Variants in CHRDL2 observed in about 807,000 individuals in gnomAD.
The protein encoded by CHRDL2 is chordin like 2, also known as chordin-like protein 2.
In CHRDL2, 41 loss-of-function variants were observed where a neutral mutation model predicts 54.3. The observed-to-expected ratio is 0.76, with a 90% CI of 0.59 to 0.98. The LOEUF (loss-of-function observed/expected upper bound fraction) is 0.98, where lower values mean the gene tolerates loss of function less well. Among genes scored for constraint, CHRDL2 ranks in the 50% least tolerant of loss-of-function variants. The probability of loss-of-function intolerance (pLI) is 0.00; values close to 1 mark genes in which losing one functional copy is unlikely to be tolerated. For missense variants in CHRDL2, 518 were observed against 562.4 expected, an observed-to-expected ratio of 0.92 and a Z score of 0.80; for synonymous variants, 220 against 224.3, an observed-to-expected ratio of 0.98 and a Z score of 0.17.
At chr11:74,700,768 G>A (rs2033781850) in intron 9 of CHRDL2, among the ~76,000 whole-genome samples, 1 of 151,720 alleles carries the variant, frequency 6.6e-6, no homozygotes, top group Non-Finnish European at 1.5e-5. Context: ...GAGTAGCTGG[G>A]ATTACAGGCG....
chr11:74,724,758 T>C (rs1458312824), intron 1 of CHRDL2, among the ~76,000 whole-genome samples: 1 of 152,168 alleles, frequency 6.6e-6, no homozygotes, highest in African/African-American at 2.4e-5. Context: ...CAGCCCTCAT[T>C]ACAATTCTCA....
At chr11:74,699,162 G>A (rs1375202019) in intron 9 of CHRDL2, 1 of 152,322 alleles carries the variant, frequency 6.6e-6, no homozygotes, top group African/African-American at 2.4e-5. Context: ...GAGATGAGAT[G>A]GGGATGGGTC....
At chr11:74,716,845 C>A (rs2034371256) in intron 2 of CHRDL2, among the ~76,000 whole-genome samples, 1 of 152,084 alleles carries the variant, frequency 6.6e-6, no homozygotes, top group Non-Finnish European at 1.5e-5. Flanking sequence ...GTAATCCCAG[C>A]ACTTTGGGAG....
chr11:74,708,700 C>T (rs573377604), intron 4 of CHRDL2, among the ~76,000 whole-genome samples: 11 of 152,318 alleles, frequency 7.2e-5, no homozygotes, highest in South Asian at 2.1e-4. Context: ...AATGAGGAGC[C>T]GGAGCGGGGC....
In CHRDL2 at chr11:74,703,373, G is replaced by A. The variant is rs2033896126; in HGVS notation, c.878C>T (p.Thr293Ile). 2 of 1,613,750 alleles carry A rather than the reference G, an allele frequency of 1.2e-6. No individual in the cohort carries two copies. Among genetic ancestry groups the A allele is most frequent in the Non-Finnish European group, 1.7e-6 (2 of 1,179,938 alleles). ...ACGGCAGGGGTACTCGGTGGGACAG[G>A]TCACACGCTGGCAGTCCTGGCGGCC... is the stretch of plus-strand genomic sequence containing the variant. ...EDGRQDCQRVTCPTEYPCRHP... is the reference protein window; with the variant it reads ...EDGRQDCQRVICPTEYPCRHP... The change falls in exon 8 of 11, where the codon ACC (threonine) becomes ATC (isoleucine). Residue 293 changes from threonine to isoleucine, a missense_variant. By Grantham distance (89) the Thr-to-Ile change is moderately conservative (BLOSUM62 -1). Coordinates refer to ENST00000376332, the MANE Select transcript of CHRDL2 (RefSeq NM_001278473.3).
chr11:74,730,213 T>A (rs1036546144), intron 1 of CHRDL2, among the ~76,000 whole-genome samples: 8 of 151,876 alleles, frequency 5.3e-5, no homozygotes, highest in African/African-American at 1.9e-4. Context: ...TCAGGGTTCC[T>A]TCTAGACAAT....
At chr11:74,726,561 G>A (rs1192222961) in intron 1 of CHRDL2, among the ~76,000 whole-genome samples, 1 of 152,180 alleles carries the variant, frequency 6.6e-6, no homozygotes, top group Non-Finnish European at 1.5e-5. Context: ...CAGGGGCACC[G>A]CTGTCATGCC....
rs765248093 is a variant in CHRDL2 at position 74,696,508 on chromosome 11, G to C, written c.*1C>G. 1 of 1,612,502 alleles carries C rather than the reference G, an allele frequency of 6.2e-7. No homozygotes were observed. Among genetic ancestry groups the C allele is most frequent in the Non-Finnish European group, 8.5e-7 (1 of 1,178,546 alleles). ...TCATATCTGCAACTGTTAGGTCTTTGTTATGTCTTGGTCACTTTGTCTGGA... is the reference window on the plus strand; with the variant it reads ...TCATATCTGCAACTGTTAGGTCTTTCTTATGTCTTGGTCACTTTGTCTGGA... On this transcript the variant is annotated 3_prime_UTR_variant, in exon 11 of 11. Coordinates refer to ENST00000376332, the MANE Select transcript of CHRDL2 (RefSeq NM_001278473.3).
chr11:74,718,808 T>C lies in CHRDL2; in HGVS notation c.107A>G (p.His36Arg). The C allele has an allele frequency of 6.2e-7, 1 of 1,612,620 alleles. No homozygotes were observed. The highest frequency in any genetic ancestry group is 8.5e-7 in the Non-Finnish European group (1 of 1,179,352). The change falls in exon 2 of 11, where the codon CAT becomes CGT. Residue 36 changes from histidine to arginine, a missense_variant. Coordinates refer to ENST00000376332, the MANE Select transcript of CHRDL2 (RefSeq NM_001278473.3). ...CTCGCCGGGGGAGTATCTCTTCCCA[T>C]GGAAAAGGCAGAACATGTCTGGGCC... ...RARPDMFCLF[H>R]GKRYSPGESW...
At chr11:74,702,601 G>T (rs1229543008) in intron 9 of CHRDL2, among the ~76,000 whole-genome samples, 193 bp downstream of exon 9, 1 of 152,196 alleles carries the variant, frequency 6.6e-6, no homozygotes, top group African/African-American at 2.4e-5. Flanking sequence ...TTAGCAGGAG[G>T]AGCTTATCAG....
At chr11:74,704,675 G>A (rs1317341842) in intron 6 of CHRDL2, 21 bp from the exon 7 acceptor site, 1 of 1,599,666 alleles carries the variant, frequency 6.3e-7, no homozygotes, top group South Asian at 1.1e-5. Flanking sequence ...CAGGAAGGAT[G>A]AAAGTCACTG....
At chr11:74,700,646 T>TTA (rs1283260897) in intron 9 of CHRDL2, among the ~76,000 whole-genome samples, 9 of 104,000 alleles carry the variant, frequency 8.7e-5, no homozygotes, top group South Asian at 5.7e-4. Context: ...TATTATTATT[T>TTA]TTTTTTTTTT....
chr11:74,703,597 C>T, intron 7 of CHRDL2, 98 bp from the exon 8 acceptor site: 1 of 1,085,446 alleles, frequency 9.2e-7, no homozygotes. Flanking sequence ...GGGGAGCCCT[C>T]ACTTTACCAG....
In CHRDL2 at chr11:74,708,172, A is replaced by G. The variant is rs989116328; in HGVS notation, c.526+130T>C. On this transcript the variant is annotated intron_variant, in intron 5 of 10. Coordinates refer to ENST00000376332, the MANE Select transcript of CHRDL2 (RefSeq NM_001278473.3). ...TTCTGGGGGGTGCAGGCTAAGCCACACCCTGGAGGAAAGAGCCGTCTGCTA... is the reference window on the plus strand; with the variant it reads ...TTCTGGGGGGTGCAGGCTAAGCCACGCCCTGGAGGAAAGAGCCGTCTGCTA... 5.1e-6 allele frequency: 3 copies of G among 592,284 alleles called. No individual in the cohort carries two copies. The South Asian group carries it at 7.5e-5, about 15-fold the overall frequency. 36.7% of individuals were successfully genotyped at this position (592,284 alleles called of 1,614,324 possible).
chr11:74,700,242 T>C (rs2135230857), intron 9 of CHRDL2, among the ~76,000 whole-genome samples: 1 of 152,364 alleles, frequency 6.6e-6, no homozygotes, highest in South Asian at 2.1e-4. Flanking sequence ...ACATTATACA[T>C]AGTGCCTGCT....
Position 74,704,500 on chromosome 11 carries a change from TC to T in CHRDL2, c.736del (p.Glu246ArgfsTer47). On this transcript the variant is annotated frameshift_variant, in exon 7 of 11. Coordinates refer to ENST00000376332, the MANE Select transcript of CHRDL2 (RefSeq NM_001278473.3). LOFTEE classifies it high-confidence loss of function. ...GSTTVKIVLK[E>X]KHKKACVHGG... ...CCAGTCCCCACCTTTCTTATGTTTC[TC>T]CTTCAGGACGATCTTGACAGTTGTG... 6.3e-7 allele frequency: 1 copy of T among 1,584,376 alleles called. No individual in the cohort carries two copies. The highest frequency in any genetic ancestry group is 1.4e-5 in the African/African-American group (1 of 73,070).
At chr11:74,713,565 C>T (rs2034263521) in intron 2 of CHRDL2, 86 bp from the exon 3 acceptor site, 3 of 1,001,388 alleles carry the variant, frequency 3.0e-6, no homozygotes, top group Non-Finnish European at 4.6e-6. Context: ...CCCACCCCAA[C>T]TGCAGAAGTC....
chr11:74,715,530 G>A (rs542246684), intron 2 of CHRDL2, among the ~76,000 whole-genome samples: 11 of 151,774 alleles, frequency 7.2e-5, no homozygotes, highest in Middle Eastern at 3.4e-3. Context: ...TTGAACCTGG[G>A]AGGCAGAGGT....
At chr11:74,726,492 G>T (rs745549172) in intron 1 of CHRDL2, among the ~76,000 whole-genome samples, 4 of 152,230 alleles carry the variant, frequency 2.6e-5, no homozygotes, top group Non-Finnish European at 5.9e-5. Context: ...ACAAGAATGA[G>T]GATGGGGTCC....
Sources: allele counts gnomAD v4.1 joint callset (sites outside exome capture counted in the v4.1 genomes callset), GRCh38; gene constraint gnomAD v4.1.1; transcripts MANE v1.5; gene names NCBI Gene and HGNC (gene_info 2026-07-23, HGNC 2026-07-21).